Variants in SERPINB4 observed in about 807,000 individuals in gnomAD.
SERPINB4 encodes the protein serpin family B member 4, also known as serpin B4.
A neutral mutation model predicts 33.2 loss-of-function variants in SERPINB4; 39 were observed. The ratio of observed to expected loss-of-function variants is 1.18; its 90% CI spans 0.91 to 1.53. SERPINB4 has a LOEUF of 1.53. Ranked by LOEUF, SERPINB4 falls within the 40% of genes most tolerant of loss-of-function variation. The probability of loss-of-function intolerance (pLI) is 0.00; values close to 1 mark genes in which losing one functional copy is unlikely to be tolerated. For synonymous variants in SERPINB4, 191 were observed against 166.4 expected, an observed-to-expected ratio of 1.15 and a Z score of -1.14; for missense variants, 564 against 455.4, an observed-to-expected ratio of 1.24 and a Z score of -2.17.
chr18:63,643,553 T>C lies in SERPINB4; in HGVS notation c.25A>G (p.Thr9Ala). 6.2e-7 allele frequency: 1 copy of C among 1,613,622 alleles called. No homozygotes were observed. The highest frequency in any genetic ancestry group is 8.5e-7 in the Non-Finnish European group (1 of 1,179,654). The change falls in exon 2 of 8, where the codon ACC becomes GCC. Residue 9 changes from threonine (T) to alanine (A), a missense_variant. By Grantham distance (58) the Thr-to-Ala change is moderately conservative (BLOSUM62 0). Coordinates refer to ENST00000341074, the MANE Select transcript of SERPINB4 (RefSeq NM_002974.4). MNSLSEANTKFMFDLFQQF... is the reference protein window; with the variant it reads MNSLSEANAKFMFDLFQQF... ...TGGAACAGATCGAACATGAACTTGG[T>C]GTTGGCTTCACTGAGTGAATTCATG...
Position 63,640,870 on chromosome 18 carries a change from C to T in SERPINB4, c.469+4G>A, listed in dbSNP as rs766309263. The T allele has an allele frequency of 6.2e-7, 1 of 1,610,472 alleles. No homozygotes were observed. The highest frequency in any genetic ancestry group is 2.2e-5 in the East Asian group (1 of 44,814). ...GGTGTTTCTATAATGGGTGGCTCTC[C>T]TACCATTCGTTTGACTTTCCACCCA... On this transcript the variant is annotated splice_donor_region_variant and intron_variant, in intron 5 of 7. Transcript: ENST00000341074.
rs754500172 is a variant in SERPINB4, at chr18:63,637,851, G to C, written c.1041C>G (p.Thr347=). 3.7e-6 allele frequency: 6 copies of C among 1,613,412 alleles called. No homozygotes were observed. The highest frequency in any genetic ancestry group is 3.4e-6 in the Non-Finnish European group (4 of 1,179,668). Residue 347 remains threonine, a synonymous_variant, in exon 8 of 8, where the codon ACC becomes ACG. Transcript: ENST00000341074. ...ATGATAATTCGACTACTACTACAGCGGTGGCAGCTGCAGCTTCCACTCCCT... is the reference window on the plus strand; with the variant it reads ...ATGATAATTCGACTACTACTACAGCCGTGGCAGCTGCAGCTTCCACTCCCT... ...TEEGVEAAAA[T]AVVVVELSSP...
In SERPINB4 at chr18:63,637,622, G is replaced by T. The variant is rs187260193; in HGVS notation, c.*97C>A. ...ATCATCATCAAGATGAGATAGAAAA[G>T]AAATATGAGCCAAGAGAATCTGTTG... On this transcript the variant is annotated 3_prime_UTR_variant, in exon 8 of 8. Transcript: ENST00000341074. 1.5e-4 allele frequency: 186 copies of T among 1,278,916 alleles called. No homozygotes were observed. In the African/African-American group the frequency reaches 2.6e-3, roughly 18 times the overall value. The allele number at this position is 1,278,916 out of a possible 1,614,324, so 79.2% of individuals were successfully genotyped here. A position where few individuals can be genotyped will look rare whatever the true frequency, so the allele number is the denominator to read the frequency against.
intron 7 of SERPINB4, among the ~76,000 whole-genome samples, chr18:63,638,958 TTATAA>T (rs1291387482): frequency 6.6e-6 from 1 of 151,968 alleles, no homozygotes; most frequent in Non-Finnish European, 1.5e-5. Context: ...GCTTAAAGTA[TTATAA>T]TAATAATAAT....
chr18:63,642,529 G>A (rs1234136005), intron 3 of SERPINB4, among the ~76,000 whole-genome samples: 1 of 152,078 alleles, frequency 6.6e-6, no homozygotes, highest in Non-Finnish European at 1.5e-5. Context: ...GAAGTGCCAA[G>A]TTTTGAACCT....
chr18:63,639,589 C>T, intron 6 of SERPINB4, 45 bp downstream of exon 6: 1 of 1,257,942 alleles, frequency 7.9e-7, no homozygotes, highest in Non-Finnish European at 1.1e-6. Context: ...TTTAACATTC[C>T]ATGTATTAAC....
rs147972472 is a variant in SERPINB4, at chr18:63,641,823, A to G, written c.288T>C (p.Thr96=). 1.2e-5 allele frequency: 20 copies of G among 1,613,382 alleles called. No homozygotes were observed. Among genetic ancestry groups the G allele is most frequent in the Non-Finnish European group, 1.5e-5 (18 of 1,179,578 alleles). ...TGGCGATCTTCAGCTCATATGCATCAGTGGATTTGTTGAATTCAGTCAGAA... is the reference window on the plus strand; with the variant it reads ...TGGCGATCTTCAGCTCATATGCATCGGTGGATTTGTTGAATTCAGTCAGAA... ...QKLLTEFNKS[T]DAYELKIANK... Residue 96 remains threonine (T), a synonymous_variant, in exon 4 of 8, where the codon ACT becomes ACC. Transcript: ENST00000341074.
chr18:63,641,628 G>C, intron 4 of SERPINB4, 132 bp downstream of exon 4: 1 of 1,336,390 alleles, frequency 7.5e-7, no homozygotes, highest in Non-Finnish European at 1.1e-6. Flanking sequence ...TGGAAATGGA[G>C]CTAATGCACT....
At chr18:63,643,898 T>C (rs1483626254) in intron 1 of SERPINB4, among the ~76,000 whole-genome samples, 1 of 152,058 alleles carries the variant, frequency 6.6e-6, no homozygotes, top group African/African-American at 2.4e-5. Context: ...GGCTTTACAA[T>C]GAATGCTAAC....
At chr18:63,639,059 A>C in intron 7 of SERPINB4, 126 bp downstream of exon 7, 1 of 1,131,270 alleles carries the variant, frequency 8.8e-7, no homozygotes, top group Non-Finnish European at 1.2e-6. Flanking sequence ...GTGAGTCATC[A>C]TTCCTCATTT....
intron 4 of SERPINB4, 59 bp from the exon 5 acceptor site, chr18:63,641,050 C>T: frequency 7.2e-7 from 1 of 1,381,834 alleles, no homozygotes; most frequent in Non-Finnish European, 1.0e-6. Flanking sequence ...TATATATTAC[C>T]AAACTTACTT....
intron 5 of SERPINB4, among the ~76,000 whole-genome samples, chr18:63,639,988 G>A (rs1391709590): frequency 1.3e-5 from 2 of 152,072 alleles, no homozygotes; most frequent in East Asian, 1.9e-4. Context: ...AGTTACCCTT[G>A]ATGGAGACAT....
chr18:63,643,549 T>C lies in SERPINB4; in HGVS notation c.29A>G (p.Lys10Arg). Residue 10 changes from lysine (K) to arginine (R), a missense_variant, in exon 2 of 8, where the codon AAG becomes AGG. Physicochemically the swap from Lys to Arg is conservative, Grantham distance 26 (BLOSUM62 2). Transcript: ENST00000341074. Reference sequence around the variant, plus strand: ...CTGTTGGAACAGATCGAACATGAACTTGGTGTTGGCTTCACTGAGTGAATT... The same window carrying C: ...CTGTTGGAACAGATCGAACATGAACCTGGTGTTGGCTTCACTGAGTGAATT... MNSLSEANT[K>R]FMFDLFQQFR... is the part of the protein sequence containing the mutation. The C allele has an allele frequency of 3.1e-6, 5 of 1,613,628 alleles. No individual in the cohort carries two copies. The highest frequency in any genetic ancestry group is 4.2e-6 in the Non-Finnish European group (5 of 1,179,644).
chr18:63,639,483 T>C, intron 6 of SERPINB4, 143 bp from the exon 7 acceptor site: 1 of 1,038,208 alleles, frequency 9.6e-7, no homozygotes. Flanking sequence ...TTTTCAGGTA[T>C]TCCTAACTAA....
Position 63,638,115 on chromosome 18 carries a change from C to A in SERPINB4, c.777G>T (p.Glu259Asp), listed in dbSNP as rs1357982047. ...NEIDGLQKLE[E>D]KLTAEKLMEW... ...CCATCAATTTCTCAGCAGTGAGTTTCTCTTCAAGCTATACAAATGGAAAAA... is the reference window on the plus strand; with the variant it reads ...CCATCAATTTCTCAGCAGTGAGTTTATCTTCAAGCTATACAAATGGAAAAA... The change falls in exon 8 of 8, where the codon GAG (glutamate) becomes GAT (aspartate). Residue 259 changes from glutamate to aspartate, a missense_variant. Physicochemically the swap from Glu to Asp is conservative, Grantham distance 45. Coordinates refer to ENST00000341074, the MANE Select transcript of SERPINB4 (RefSeq NM_002974.4). The A allele has an allele frequency of 1.9e-6, 3 of 1,612,506 alleles. No individual in the cohort carries two copies. Among genetic ancestry groups the A allele is most frequent in the Non-Finnish European group, 2.5e-6 (3 of 1,179,156 alleles).
rs1207239535 is a variant in SERPINB4 at position 63,639,263 on chromosome 18, C to T, written c.690G>A (p.Lys230=). 6.2e-7 allele frequency: 1 copy of T among 1,612,708 alleles called. No homozygotes were observed. Among genetic ancestry groups the T allele is most frequent in the East Asian group, 2.2e-5 (1 of 44,852 alleles). Residue 230 remains lysine (K), a synonymous_variant, in exon 7 of 8, where the codon AAG becomes AAA. Transcript: ENST00000341074. The part of the protein sequence containing the change: ...NFALLEDVQA[K]VLEIPYKGKD... ...TGCCTTTGTATGGTATTTCCAGGAC[C>T]TTGGCCTGTACATCCTCCAGCAAGG...
chr18:63,641,004 A>C lies in SERPINB4; in HGVS notation c.352-13T>G. The C allele has an allele frequency of 6.2e-7, 1 of 1,600,200 alleles. No individual in the cohort carries two copies. Among genetic ancestry groups the C allele is most frequent in the Non-Finnish European group, 8.6e-7 (1 of 1,168,170 alleles). ...CATCTAAATATTCCTTTGAGATATG[A>C]AGGAAGAAGTAGGAATTAGGAGTAA... is the stretch of plus-strand genomic sequence containing the variant. On this transcript the variant is annotated splice_polypyrimidine_tract_variant and intron_variant, in intron 4 of 7. Coordinates refer to ENST00000341074, the MANE Select transcript of SERPINB4 (RefSeq NM_002974.4).
intron 5 of SERPINB4, among the ~76,000 whole-genome samples, 198 bp downstream of exon 5, chr18:63,640,676 G>A (rs1913096461): frequency 6.6e-6 from 1 of 151,940 alleles, no homozygotes; most frequent in Admixed American, 6.6e-5. Flanking sequence ...CATCTAATTG[G>A]CTTCCTGTGA....
intron 3 of SERPINB4, among the ~76,000 whole-genome samples, chr18:63,642,424 T>C (rs1913165999): frequency 6.6e-6 from 1 of 152,094 alleles, no homozygotes; most frequent in South Asian, 2.1e-4. Flanking sequence ...CTAAGGACTT[T>C]ACATGGGTAA....
Sources: gnomAD v4.1 joint callset for allele counts (sites outside exome capture counted in the v4.1 genomes callset) on GRCh38, gnomAD v4.1.1 for gene constraint, MANE v1.5 for transcripts, NCBI Gene and HGNC (gene_info 2026-07-23, HGNC 2026-07-21) for gene names.